The following GNG7 variants were observed in gnomAD, a reference collection of about 807,000 sequenced individuals.
The protein encoded by GNG7 is G protein subunit gamma 7.
Under a neutral mutation model 4.0 loss-of-function variants are expected in GNG7, and 1 was observed. That is an observed-to-expected ratio of 0.25 (90% CI 0.09 to 1.18). GNG7 has a LOEUF of 1.18. Ranked by LOEUF, GNG7 falls within the 50% of genes most tolerant of loss-of-function variation. The pLI is 0.50. For missense variants in GNG7, 86 were observed against 91.9 expected (o/e 0.94, Z 0.26); for synonymous variants, 34 against 36.9 (o/e 0.92, Z 0.29).
Position 2,672,590 on chromosome 19 carries a change from G to T in GNG7, c.-134-26310C>A, listed in dbSNP as rs563615351. ...GCCTCCTGAGTAGCTGGGATTACAAGTGTGTGTCACCACACCGGCTAATTT... is the reference window on the plus strand; with the variant it reads ...GCCTCCTGAGTAGCTGGGATTACAATTGTGTGTCACCACACCGGCTAATTT... On this transcript the variant is annotated intron_variant, in intron 1 of 4. Transcript: ENST00000382159. Among the ~76,000 whole-genome samples, 7 of 152,110 alleles carry T rather than the reference G, an allele frequency of 4.6e-5. No homozygotes were observed. In the East Asian group the frequency reaches 1.4e-3, roughly 29 times the overall value.
intron 2 of GNG7, chr19:2,642,961 C>A (rs1250179192): frequency 2.2e-6 from 1 of 453,268 alleles, no homozygotes; most frequent in African/African-American, 2.0e-5. Flanking sequence ...TCTGGCCCTG[C>A]CGTCGGCACC....
chr19:2,623,040 C>T (rs1185892655), intron 2 of GNG7, among the ~76,000 whole-genome samples: 2 of 152,214 alleles, frequency 1.3e-5, no homozygotes, highest in African/African-American at 4.8e-5. Flanking sequence ...AACACCCAGG[C>T]TCAGTCTGAG....
intron 3 of GNG7, among the ~76,000 whole-genome samples, chr19:2,547,597 G>A (rs1979170979): frequency 6.6e-6 from 1 of 152,064 alleles, no homozygotes. Flanking sequence ...CTTTTTCCAT[G>A]TGTGGTGACA....
At chr19:2,543,243 C>T (rs1979022165) in intron 3 of GNG7, among the ~76,000 whole-genome samples, 1 of 134,108 alleles carries the variant, frequency 7.5e-6, no homozygotes, top group Admixed American at 7.8e-5. Flanking sequence ...TTTTTTGACA[C>T]AGGGTCTTGC....
At chr19:2,697,396 G>C (rs776496120) in intron 1 of GNG7, among the ~76,000 whole-genome samples, 1 of 152,036 alleles carries the variant, frequency 6.6e-6, no homozygotes, top group African/African-American at 2.4e-5. Flanking sequence ...GCCGCAGGAT[G>C]GGGGAGGAGG....
intron 2 of GNG7, among the ~76,000 whole-genome samples, chr19:2,636,895 C>A (rs1982321768): frequency 6.6e-6 from 1 of 151,950 alleles, no homozygotes; most frequent in Non-Finnish European, 1.5e-5. Flanking sequence ...CCCACCTGCA[C>A]CCACCTGAAC....
At position 2,651,572 on chromosome 19, in the gene GNG7, TC is replaced by T. The variant is rs1568274647; in HGVS notation, c.-134-5293del. On this transcript the variant is annotated intron_variant, in intron 1 of 4. Coordinates refer to ENST00000382159, the MANE Select transcript of GNG7 (RefSeq NM_052847.3). Reference sequence around the variant, plus strand: ...CTCTCCCTTTCTCTCTCTCTCTCTCTCTCTTTTTTTTTTAAGACAGTCTCAC... The same window carrying T: ...CTCTCCCTTTCTCTCTCTCTCTCTCTTCTTTTTTTTTTAAGACAGTCTCAC... 7.7e-4 allele frequency among the ~76,000 whole-genome samples: 113 copies of T among 146,084 alleles called. 1 individual carries two copies. Among genetic ancestry groups the T allele is most frequent in the African/African-American group, 2.6e-3 (102 of 39,066 alleles).
Position 2,684,350 on chromosome 19 carries a change from T to A in GNG7, c.-135+18296A>T, listed in dbSNP as rs188949595. On this transcript the variant is annotated intron_variant, in intron 1 of 4. Transcript: ENST00000382159. ...CGGGGTTTCACCATGTTGGCCAGGA[T>A]GGTCTCGATCTCTTGACCTCGTGAT... Among the ~76,000 whole-genome samples the A allele has an allele frequency of 8.9e-3, 1,343 of 151,656 alleles. 86 individuals carry two copies. In the South Asian group the frequency reaches 0.16, roughly 18 times the overall value.
chr19:2,573,435 G>A (rs933278495), intron 2 of GNG7, among the ~76,000 whole-genome samples: 1 of 152,158 alleles, frequency 6.6e-6, no homozygotes, highest in Non-Finnish European at 1.5e-5. Flanking sequence ...GCGGCTAGAA[G>A]ACTTAAGATC....
chr19:2,681,645 G>A (rs547856882), intron 1 of GNG7, among the ~76,000 whole-genome samples: 31 of 152,282 alleles, frequency 2.0e-4, no homozygotes, highest in African/African-American at 7.5e-4. Flanking sequence ...TCAACTCACA[G>A]GGTCATATGG....
chr19:2,608,565 G>A (rs1473109331), intron 2 of GNG7, among the ~76,000 whole-genome samples: 1 of 152,208 alleles, frequency 6.6e-6, no homozygotes, highest in Non-Finnish European at 1.5e-5. Context: ...GCAGAGTCAC[G>A]AGACCAGCAA....
In GNG7 at chr19:2,684,616, G is replaced by A. The variant is rs556827144; in HGVS notation, c.-135+18030C>T. Among the ~76,000 whole-genome samples the A allele has an allele frequency of 7.9e-5, 12 of 152,326 alleles. No individual in the cohort carries two copies. In the South Asian group the frequency reaches 2.3e-3, roughly 29 times the overall value. ...TTTGAGGACCTCAGTCTCAGTGAGA[G>A]AAGCCAGGCACAGAAGGACACATCC... is the stretch of plus-strand genomic sequence containing the variant. On this transcript the variant is annotated intron_variant, in intron 1 of 4. Transcript: ENST00000382159.
chr19:2,695,960 A>AC lies in GNG7; in HGVS notation c.-135+6685dup, dbSNP rs1913235591. Among the ~76,000 whole-genome samples the AC allele has an allele frequency of 6.2e-5, 9 of 145,378 alleles. No individual in the cohort carries two copies. The South Asian group carries it at 1.9e-3, about 30-fold the overall frequency. On this transcript the variant is annotated intron_variant, in intron 1 of 4. Coordinates refer to ENST00000382159, the MANE Select transcript of GNG7 (RefSeq NM_052847.3). ...GATCACCTGAGGTCAGGAGTTCGAG[A>AC]CCAGCCTGGGCAACATGGTGAAACC... is the stretch of plus-strand genomic sequence containing the variant.
At chr19:2,566,123 A>T (rs1301000776) in intron 2 of GNG7, among the ~76,000 whole-genome samples, 6 of 152,102 alleles carry the variant, frequency 3.9e-5, no homozygotes, top group Admixed American at 3.9e-4. Flanking sequence ...GCACCACTGC[A>T]CTCCAGCCTG....
rs1568253027 is a variant in GNG7, at chr19:2,585,109, AAGGAAAGAAGGTAGGAATGAAGG to A, written c.-77-29944_-77-29922del. Among the ~76,000 whole-genome samples the A allele has an allele frequency of 5.5e-3, 366 of 66,552 alleles. 7 individuals carry two copies. Among genetic ancestry groups the A allele is most frequent in the African/African-American group, 0.037 (360 of 9,684 alleles). 43.7% of individuals were successfully genotyped at this position (66,552 alleles called of 152,430 possible). A position where few individuals can be genotyped will look rare whatever the true frequency, so the allele number is the denominator to read the frequency against. ...GAGGGAAGAAAAGAAGGAAGGAAGGAAGGAAAGAAGGTAGGAATGAAGGAAGGAAGGGCCTTGTTCTTAGAAAA... is the reference window on the plus strand; with the variant it reads ...GAGGGAAGAAAAGAAGGAAGGAAGGAAAGGAAGGGCCTTGTTCTTAGAAAA... On this transcript the variant is annotated intron_variant, in intron 2 of 4. Coordinates refer to ENST00000382159, the MANE Select transcript of GNG7 (RefSeq NM_052847.3).
intron 3 of GNG7, among the ~76,000 whole-genome samples, chr19:2,550,166 A>G (rs1292184310): frequency 3.3e-5 from 5 of 152,186 alleles, no homozygotes; most frequent in Admixed American, 6.5e-5. Flanking sequence ...GGTAGAATGC[A>G]GCAGAAGGAG....
chr19:2,538,241 C>T (rs767715873), intron 3 of GNG7: 14 of 456,522 alleles, frequency 3.1e-5, no homozygotes, highest in South Asian at 7.7e-5. Flanking sequence ...TAAGGAAAGC[C>T]GTGCTGAGTG....
chr19:2,548,191 A>C (rs1274156845), intron 3 of GNG7, among the ~76,000 whole-genome samples: 4 of 152,090 alleles, frequency 2.6e-5, no homozygotes, highest in Admixed American at 2.0e-4. Flanking sequence ...AAAATCAAAA[A>C]ACAAAAACCA....
chr19:2,595,286 TC>T (rs1568256465), intron 2 of GNG7: 1 of 150,352 alleles, frequency 6.7e-6, no homozygotes, highest in East Asian at 2.1e-4. Context: ...CGCCACCACG[TC>T]CGGCTAATTT....
Sources: gnomAD v4.1 joint callset for allele counts (sites outside exome capture counted in the v4.1 genomes callset) on GRCh38, gnomAD v4.1.1 for gene constraint, MANE v1.5 for transcripts, NCBI Gene and HGNC (gene_info 2026-07-23, HGNC 2026-07-21) for gene names.